INPP4A: variants seen among roughly 807,000 people sequenced by gnomAD.
INPP4A encodes inositol polyphosphate-4-phosphatase, type I, 107kD.
A neutral mutation model predicts 119.8 loss-of-function variants in INPP4A; 33 were observed. The ratio of observed to expected loss-of-function variants is 0.28; its 90% confidence interval spans 0.21 to 0.37. INPP4A has a LOEUF of 0.37. Ranked by LOEUF, INPP4A falls within the 10% of genes least tolerant of loss-of-function variation. The pLI, the probability that INPP4A is intolerant of heterozygous loss-of-function variation, is 1.00. For synonymous variants in INPP4A, 496 were observed against 500.7 expected (o/e 0.99, Z 0.12); for missense variants, 956 against 1,289.9 (o/e 0.74, Z 3.97).
At chr2:98,502,920 A>G (rs1378587014) in intron 1 of INPP4A, among the ~76,000 whole-genome samples, 1 of 152,168 alleles carries the variant, frequency 6.6e-6, no homozygotes, top group African/African-American at 2.4e-5. Flanking sequence ...ATTGGATTTT[A>G]TTTTATATTT....
chr2:98,446,217 A>C (rs760499729), intron 1 of INPP4A, among the ~76,000 whole-genome samples: 64 of 152,372 alleles, frequency 4.2e-4, no homozygotes, highest in Admixed American at 1.2e-3. Flanking sequence ...TGGCCAGTGC[A>C]CGTAGAATTG....
intron 24 of INPP4A, among the ~76,000 whole-genome samples, chr2:98,578,856 G>A (rs146707420): frequency 3.6e-4 from 55 of 152,314 alleles, no homozygotes; most frequent in South Asian, 2.1e-3. Flanking sequence ...GTAGCGCTGC[G>A]GACATTTGGA....
chr2:98,539,242 C>G (rs965171784), intron 9 of INPP4A, among the ~76,000 whole-genome samples: 1 of 152,228 alleles, frequency 6.6e-6, no homozygotes, highest in Non-Finnish European at 1.5e-5. Context: ...TCACTCTTTT[C>G]TGTTTCACAT....
chr2:98,569,025 C>T lies in INPP4A; in HGVS notation c.2518+357C>T, dbSNP rs1696977225. ...CTCGGCCAGGTGAGCGGCCCACTCA[C>T]TTCCCTTTGTGGTGCTTAGAGAGGA... On this transcript the variant is annotated intron_variant, in intron 22 of 24. Transcript: ENST00000409851. The surrounding 1 kb of genome is among the most constrained non-coding windows in gnomAD (Gnocchi z 5.1). 4.9e-6 allele frequency: 1 copy of T among 202,880 alleles called. No individual in the cohort carries two copies. Among genetic ancestry groups the T allele is most frequent in the South Asian group, 9.0e-5 (1 of 11,102 alleles). The allele number at this position is 202,880 out of a possible 1,614,324, so 12.6% of individuals were successfully genotyped here.
intron 23 of INPP4A, among the ~76,000 whole-genome samples, chr2:98,575,803 A>G (rs1698323344): frequency 6.6e-6 from 1 of 152,220 alleles, no homozygotes; most frequent in African/African-American, 2.4e-5. Flanking sequence ...CCACCATCAT[A>G]TCACTTGGAT....
At chr2:98,500,037 A>C (rs1003493072) in intron 1 of INPP4A, among the ~76,000 whole-genome samples, 1 of 152,128 alleles carries the variant, frequency 6.6e-6, no homozygotes, top group Non-Finnish European at 1.5e-5. Context: ...AGTGGTCACA[A>C]CCTCAGGCCG....
intron 1 of INPP4A, among the ~76,000 whole-genome samples, chr2:98,455,263 A>G (rs1280419118): frequency 1.3e-5 from 2 of 152,248 alleles, no homozygotes; most frequent in East Asian, 3.9e-4. Flanking sequence ...ACTTGAATCC[A>G]GGAGGTCGAG....
chr2:98,515,959 C>T (rs1335290870), intron 1 of INPP4A, among the ~76,000 whole-genome samples: 3 of 152,160 alleles, frequency 2.0e-5, no homozygotes, highest in Admixed American at 6.5e-5. Context: ...CACATGAGTG[C>T]GCAGAGTGAG....
At chr2:98,471,605 T>G (rs187436797) in intron 1 of INPP4A, among the ~76,000 whole-genome samples, 1 of 152,310 alleles carries the variant, frequency 6.6e-6, no homozygotes, top group East Asian at 1.9e-4. Flanking sequence ...GGAACCAAGG[T>G]CAACGCTCAG....
At chr2:98,536,093 C>T (rs755693776) in intron 6 of INPP4A, 36 bp from the exon 7 acceptor site, 22 of 1,376,362 alleles carry the variant, frequency 1.6e-5, no homozygotes, top group African/African-American at 8.5e-5. Context: ...GCAAAGCAAG[C>T]GCACCAATGC....
chr2:98,454,778 A>C (rs952408227), intron 1 of INPP4A, among the ~76,000 whole-genome samples: 5 of 145,592 alleles, frequency 3.4e-5, no homozygotes, highest in East Asian at 2.1e-4. Context: ...GGGAGGAGGA[A>C]GTGGAGGGCT....
intron 1 of INPP4A, among the ~76,000 whole-genome samples, chr2:98,493,131 A>G (rs1681183738): frequency 6.6e-6 from 1 of 152,112 alleles, no homozygotes; most frequent in Admixed American, 6.5e-5. Flanking sequence ...AGATTGGACA[A>G]CACTTGGGGA....
chr2:98,563,933 G>GTTTTTTTTTTTTTTTTTTTTTTTT, intron 18 of INPP4A, among the ~76,000 whole-genome samples: 1 of 125,512 alleles, frequency 8.0e-6, no homozygotes, highest in Non-Finnish European at 1.7e-5. Flanking sequence ...TCTTTGCTGC[G>GTTTTTTTTTTTTTTTTTTTTTTTT]TTTTTTTTTT....
intron 7 of INPP4A, among the ~76,000 whole-genome samples, chr2:98,537,070 A>G (rs1690428123): frequency 6.6e-6 from 1 of 152,244 alleles, no homozygotes; most frequent in Non-Finnish European, 1.5e-5. Flanking sequence ...TACAAAATAG[A>G]CATCATTCTT....
intron 1 of INPP4A, among the ~76,000 whole-genome samples, chr2:98,504,437 C>T (rs900080365): frequency 6.6e-6 from 1 of 152,186 alleles, no homozygotes; most frequent in African/African-American, 2.4e-5. Context: ...GAATGTGTGA[C>T]CACTTTGTGT....
In INPP4A at chr2:98,565,473, A is replaced by G. The variant is rs563033462; in HGVS notation, c.2153-167A>G. ...GGGATTTCAGAGGCATTGTTGACTC[A>G]CAGAGGAGTGAGTTGCAGGGGAAGA... On this transcript the variant is annotated intron_variant, in intron 19 of 24. Transcript: ENST00000409851. Among the ~76,000 whole-genome samples, 3 of 152,328 alleles carry G rather than the reference A, an allele frequency of 2.0e-5. No homozygotes were observed. In the South Asian group the frequency reaches 6.2e-4, roughly 32 times the overall value.
intron 7 of INPP4A, among the ~76,000 whole-genome samples, 168 bp downstream of exon 7, chr2:98,536,376 A>C (rs917669022): frequency 6.6e-6 from 1 of 152,164 alleles, no homozygotes. Context: ...TACTTAGCCT[A>C]TCAGAGAATG....
chr2:98,584,046 C>T (rs1343766648), intron 24 of INPP4A, among the ~76,000 whole-genome samples: 1 of 152,220 alleles, frequency 6.6e-6, no homozygotes, highest in Non-Finnish European at 1.5e-5. Context: ...TGGCATAGCT[C>T]CTGGTGGCCT....
intron 4 of INPP4A, among the ~76,000 whole-genome samples, chr2:98,524,069 T>A (rs1687732072): frequency 6.6e-6 from 1 of 152,188 alleles, no homozygotes; most frequent in South Asian, 2.1e-4. Context: ...AGCTGTGCCA[T>A]ACTTATTTTA....
Sources: gnomAD v4.1 joint callset for allele counts (sites outside exome capture counted in the v4.1 genomes callset) on GRCh38, gnomAD v4.1.1 for gene constraint, Gnocchi (gnomAD v3.1) non-coding constraint, MANE v1.5 for transcripts, NCBI Gene and HGNC (gene_info 2026-07-23, HGNC 2026-07-21) for gene names.